LARP1: variants seen among roughly 807,000 people sequenced by gnomAD.
LARP1 encodes the protein La ribonucleoprotein 1, translational regulator.
LARP1 carries 36 observed loss-of-function variants against 122.7 expected under a neutral mutation model. The ratio of observed to expected loss-of-function variants is 0.29; its 90% CI spans 0.22 to 0.39. The LOEUF (loss-of-function observed/expected upper bound fraction) is 0.39, where lower values mean the gene tolerates loss of function less well. Ranked by LOEUF, LARP1 falls within the 10% of genes least tolerant of loss-of-function variation. LARP1 has a pLI of 1.00. For missense variants in LARP1, 1,040 were observed against 1,403.6 expected, an observed-to-expected ratio of 0.74 and a Z score of 4.14; for synonymous variants, 539 against 528.7, an observed-to-expected ratio of 1.02 and a Z score of -0.27.
chr5:154,759,943 GTTTGTTTGTTTT>G (rs752503789), intron 1 of LARP1, among the ~76,000 whole-genome samples: 230 of 147,524 alleles, frequency 1.6e-3, no homozygotes, highest in East Asian at 3.6e-3. Flanking sequence ...TTGTTTGTTT[GTTTGTTTGTTTT>G]TTTGGAGACA....
intron 1 of LARP1, among the ~76,000 whole-genome samples, chr5:154,764,940 T>C (rs1028343866): frequency 2.6e-5 from 4 of 151,716 alleles, no homozygotes; most frequent in African/African-American, 9.7e-5. Context: ...AAAAAACCTA[T>C]GTCCAGATCT....
chr5:154,790,114 A>G (rs963182623), intron 1 of LARP1, among the ~76,000 whole-genome samples: 2 of 152,106 alleles, frequency 1.3e-5, no homozygotes, highest in African/African-American at 2.4e-5. Flanking sequence ...GGCTCTTTGC[A>G]TGATCGCGCT....
chr5:154,787,877 G>A (rs745861618), intron 1 of LARP1, among the ~76,000 whole-genome samples: 1 of 152,164 alleles, frequency 6.6e-6, no homozygotes, highest in Non-Finnish European at 1.5e-5. Flanking sequence ...GTCTTTTCAT[G>A]GCACTTTGAT....
chr5:154,804,851 C>T, intron 14 of LARP1: 1 of 456,234 alleles, frequency 2.2e-6, no homozygotes, highest in South Asian at 1.5e-5. Context: ...ATGCTCTCTA[C>T]TCCCTGCAGA....
intron 1 of LARP1, chr5:154,718,262 T>A (rs1755635668): frequency 6.6e-6 from 1 of 152,228 alleles, no homozygotes; most frequent in African/African-American, 2.4e-5. Flanking sequence ...ACTAGTATCT[T>A]ACTTGGGTTT....
chr5:154,687,382 T>TTG (rs925514905), intron 1 of LARP1, among the ~76,000 whole-genome samples: 3 of 152,102 alleles, frequency 2.0e-5, no homozygotes, highest in Non-Finnish European at 4.4e-5. Flanking sequence ...CTTTTGTGTG[T>TTG]TGTGTGTGTG....
chr5:154,803,248 G>A lies in LARP1; in HGVS notation c.2110-42G>A, dbSNP rs752229206. On this transcript the variant is annotated intron_variant, in intron 11 of 18. Transcript: ENST00000518297. This position sits in a 1 kb window ranked among gnomAD's most constrained non-coding sequence, Gnocchi z 4.4. ...TTCCTTAAACAGGCTAGAGCAGCCT[G>A]CTTACTTACATCTTTCCCCACTCAT... 6.2e-7 allele frequency: 1 copy of A among 1,613,874 alleles called. No homozygotes were observed. The highest frequency in any genetic ancestry group is 1.3e-5 in the African/African-American group (1 of 75,038).
In LARP1 at chr5:154,804,193, C is replaced by A; in HGVS notation, c.2440-8C>A. The A allele has an allele frequency of 6.2e-7, 1 of 1,611,606 alleles. No individual in the cohort carries two copies. The highest frequency in any genetic ancestry group is 1.1e-5 in the South Asian group (1 of 91,020). The stretch of plus-strand genomic sequence containing the variant: ...AAACAGTAACAAACCCTGGGCTAAC[C>A]TTTGCAGATGCCTCGAAAAAGAAAG... On this transcript the variant is annotated splice_polypyrimidine_tract_variant and splice_region_variant and intron_variant, in intron 13 of 18. Transcript: ENST00000518297.
chr5:154,793,805 G>A lies in LARP1; in HGVS notation c.874G>A (p.Glu292Lys). 1.2e-6 allele frequency: 2 copies of A among 1,614,172 alleles called. No homozygotes were observed. Among genetic ancestry groups the A allele is most frequent in the Non-Finnish European group, 1.7e-6 (2 of 1,180,022 alleles). ...PANRGEIKGSESATYVPVAPP... is the reference protein window; with the variant it reads ...PANRGEIKGSKSATYVPVAPP... ...TGGTACCCCTCTCCCCATAGGGTCT[G>A]AGTCTGCCACCTACGTGCCCGTGGC... Residue 292 changes from glutamate to lysine, a missense_variant, in exon 6 of 19, where the codon GAG becomes AAG. This residue lies in a region of LARP1 where 178 missense variants were observed against 178.3 expected (regional missense o/e 1.00). Coordinates refer to ENST00000518297, the MANE Select transcript of LARP1 (RefSeq NM_033551.3).
At chr5:154,722,032 C>A (rs1755904461) in intron 1 of LARP1, among the ~76,000 whole-genome samples, 2 of 152,244 alleles carry the variant, frequency 1.3e-5, no homozygotes, top group South Asian at 4.1e-4. Context: ...TTATCTTTGG[C>A]CTTCATTTCT....
chr5:154,790,564 C>T lies in LARP1; in HGVS notation c.499-81C>T, dbSNP rs1757258156. 2.7e-6 allele frequency: 4 copies of T among 1,502,660 alleles called. No individual in the cohort carries two copies. In the East Asian group the frequency reaches 9.0e-5, roughly 34 times the overall value. 93.1% of individuals were successfully genotyped at this position (1,502,660 alleles called of 1,614,324 possible). ...TGAACAGACTGATTTGGCCTCTGAT[C>T]TCTTGGTGAAGCTTGGGTCGGGGGC... is the stretch of plus-strand genomic sequence containing the variant. On this transcript the variant is annotated intron_variant, in intron 2 of 18. Coordinates refer to ENST00000518297, the MANE Select transcript of LARP1 (RefSeq NM_033551.3).
rs988433875 is a variant in LARP1, at chr5:154,798,691, G to A, written c.1378-900G>A. Among the ~76,000 whole-genome samples, 7 of 152,096 alleles carry A rather than the reference G, an allele frequency of 4.6e-5. No individual in the cohort carries two copies. The South Asian group carries it at 6.2e-4, about 13-fold the overall frequency. ...TTACGATTTGTAGTGATAGAGTCTC[G>A]CTATTTTGCTCAGGCTGGTCTTGAA... On this transcript the variant is annotated intron_variant, in intron 8 of 18. Coordinates refer to ENST00000518297, the MANE Select transcript of LARP1 (RefSeq NM_033551.3).
chr5:154,815,458 G>A lies in LARP1; in HGVS notation c.*1362G>A, dbSNP rs1759604316. 6.6e-6 allele frequency: 1 copy of A among 152,248 alleles called. No individual in the cohort carries two copies. 9.4% of individuals were successfully genotyped at this position (152,248 alleles called of 1,614,324 possible). ...CCCCAGAGTGGAAAGGTGAACACCTGCAGCTGAGGCTTGGAAACGTTTCTT... is the reference window on the plus strand; with the variant it reads ...CCCCAGAGTGGAAAGGTGAACACCTACAGCTGAGGCTTGGAAACGTTTCTT... On this transcript the variant is annotated 3_prime_UTR_variant, in exon 19 of 19. Transcript: ENST00000518297.
At chr5:154,715,264 CTTTTTTTTTT>C (rs35808885) in intron 1 of LARP1, among the ~76,000 whole-genome samples, 2 of 90,236 alleles carry the variant, frequency 2.2e-5, no homozygotes, top group South Asian at 7.8e-4. Flanking sequence ...GCAAGCCTCT[CTTTTTTTTTT>C]TTTTTTTTTT....
chr5:154,741,039 A>C (rs907170425), intron 1 of LARP1, among the ~76,000 whole-genome samples: 1 of 152,174 alleles, frequency 6.6e-6, no homozygotes, highest in Non-Finnish European at 1.5e-5. Context: ...TGCATGGATC[A>C]TCCTGGAAAT....
At chr5:154,692,656 G>A (rs578257909) in intron 1 of LARP1, among the ~76,000 whole-genome samples, 5 of 152,120 alleles carry the variant, frequency 3.3e-5, no homozygotes, top group Non-Finnish European at 5.9e-5. Context: ...AGAGTTCTTC[G>A]TCCTCTATCT....
chr5:154,686,898 G>C (rs1250443933), intron 1 of LARP1, among the ~76,000 whole-genome samples: 7 of 152,212 alleles, frequency 4.6e-5, no homozygotes, highest in African/African-American at 1.7e-4. Context: ...CCTGACTTCA[G>C]AAGAAGGAAC....
intron 1 of LARP1, among the ~76,000 whole-genome samples, chr5:154,737,874 A>C (rs1757000472): frequency 1.3e-5 from 2 of 149,596 alleles, no homozygotes; most frequent in Non-Finnish European, 3.0e-5. Flanking sequence ...TGCTCTAACC[A>C]CCCCTCCTCA....
intron 1 of LARP1, among the ~76,000 whole-genome samples, chr5:154,689,930 T>G (rs1378901775): frequency 6.6e-6 from 1 of 152,064 alleles, no homozygotes; most frequent in African/African-American, 2.4e-5. Flanking sequence ...TACAAAAAAA[T>G]TAGCTGGGCG....
Sources: allele counts gnomAD v4.1 joint callset (sites outside exome capture counted in the v4.1 genomes callset), GRCh38; gene constraint gnomAD v4.1.1; regional missense constraint gnomAD v4.1.1; non-coding constraint Gnocchi (gnomAD v3.1); transcripts MANE v1.5; gene names NCBI Gene and HGNC (gene_info 2026-07-23, HGNC 2026-07-21).